TNN: variants seen among roughly 807,000 people sequenced by gnomAD.
TNN encodes the protein tenascin-N.
Under a neutral mutation model 134.4 loss-of-function variants are expected in TNN, and 122 were observed. The observed-to-expected ratio is 0.91, with a 90% CI of 0.78 to 1.06. The LOEUF (loss-of-function observed/expected upper bound fraction) is 1.06, where lower values mean the gene tolerates loss of function less well. Ranked by LOEUF, TNN falls within the 50% of genes least tolerant of loss-of-function variation. The pLI is 0.00. For missense variants in TNN, 1,739 were observed against 1,699.4 expected (o/e 1.02, Z -0.41); for synonymous variants, 710 against 670.3 (o/e 1.06, Z -0.91).
At chr1:175,092,251 G>C (rs1674468802) in intron 6 of TNN, among the ~76,000 whole-genome samples, 1 of 152,180 alleles carries the variant, frequency 6.6e-6, no homozygotes, top group African/African-American at 2.4e-5. Flanking sequence ...GATGGGGAGA[G>C]AGTTCTCTCT....
chr1:175,116,382 A>T (rs1675166689), intron 9 of TNN, among the ~76,000 whole-genome samples: 2 of 152,220 alleles, frequency 1.3e-5, no homozygotes, highest in Non-Finnish European at 2.9e-5. Context: ...CTTGGTTTAC[A>T]GAGCTACTCA....
Position 175,144,479 on chromosome 1 carries a change from G to A in TNN, c.3688G>A (p.Gly1230Ser). 6.2e-7 allele frequency: 1 copy of A among 1,614,212 alleles called. No homozygotes were observed. Among genetic ancestry groups the A allele is most frequent in the Non-Finnish European group, 8.5e-7 (1 of 1,180,026 alleles). The change falls in exon 18 of 19, where the codon GGT (glycine) becomes AGT (serine). Residue 1230 changes from glycine to serine, a missense_variant. Coordinates refer to ENST00000239462, the MANE Select transcript of TNN (RefSeq NM_022093.2). ...CAGCAACTGTGCCCTGACACATCAT[G>A]GTGGCTGGTGGTATAAGAACTGCCA... ...ALSNCALTHHGGWWYKNCHLA... is the reference protein window; with the variant it reads ...ALSNCALTHHSGWWYKNCHLA...
chr1:175,080,062 G>A, intron 3 of TNN, 101 bp from the exon 4 acceptor site: 3 of 1,504,384 alleles, frequency 2.0e-6, no homozygotes, highest in Admixed American at 1.8e-5. Flanking sequence ...ACACAGGTCT[G>A]CATCCTGCAC....
chr1:175,084,571 A>T (rs935157658), intron 5 of TNN, among the ~76,000 whole-genome samples: 2 of 152,228 alleles, frequency 1.3e-5, no homozygotes, highest in Non-Finnish European at 2.9e-5. Flanking sequence ...ATACCCAATC[A>T]GGTACAAGGC....
intron 11 of TNN, among the ~76,000 whole-genome samples, chr1:175,123,030 A>G (rs1017872334): frequency 6.6e-5 from 10 of 152,214 alleles, no homozygotes; most frequent in African/African-American, 2.2e-4. Flanking sequence ...GTTGGAGGAT[A>G]TGACTTCTTG....
At chr1:175,127,890 T>C in intron 13 of TNN, 142 bp from the exon 14 acceptor site, 8 of 931,488 alleles carry the variant, frequency 8.6e-6, no homozygotes, top group Non-Finnish European at 1.3e-5. Flanking sequence ...GATTCTGGGC[T>C]GCCACTGAGG....
chr1:175,118,504 GTTT>G, intron 10 of TNN, 54 bp from the exon 11 acceptor site: 1 of 1,597,862 alleles, frequency 6.3e-7, no homozygotes, highest in Non-Finnish European at 8.5e-7. Flanking sequence ...ATGACCACCA[GTTT>G]CTGCACTCTG....
intron 15 of TNN, among the ~76,000 whole-genome samples, chr1:175,132,842 T>C (rs1675709015): frequency 6.6e-6 from 1 of 152,248 alleles, no homozygotes; most frequent in African/African-American, 2.4e-5. Context: ...GAGTTAAATA[T>C]GCACTCCCAT....
At chr1:175,104,793 A>G (rs1674809103) in intron 9 of TNN, among the ~76,000 whole-genome samples, 2 of 145,890 alleles carry the variant, frequency 1.4e-5, no homozygotes. Context: ...CCCTCGAGTG[A>G]TTCGGGTGAC....
chr1:175,145,555 A>AAAAAAAAAAAAAAC (rs1676043616), intron 18 of TNN, among the ~76,000 whole-genome samples: 3 of 144,224 alleles, frequency 2.1e-5, no homozygotes, highest in African/African-American at 7.7e-5. Context: ...CCTGTCTCAA[A>AAAAAAAAAAAAAAC]AAAAAAAAAA....
rs190641008 is a variant in TNN, at chr1:175,108,194, G to C, written c.2120-8745G>C. ...ACAAACCTTGAGCTAAACACAGGGT[G>C]CTGGTTGGGGTATTTACAATCCCTG... On this transcript the variant is annotated intron_variant, in intron 9 of 18. Transcript: ENST00000239462. Among the ~76,000 whole-genome samples the C allele has an allele frequency of 5.4e-3, 823 of 151,974 alleles. 4 individuals are homozygous for C. Among genetic ancestry groups the C allele is most frequent in the Non-Finnish European group, 7.5e-3 (513 of 67,984 alleles).
At chr1:175,125,495 G>C (rs1675482820) in intron 12 of TNN, among the ~76,000 whole-genome samples, 1 of 152,042 alleles carries the variant, frequency 6.6e-6, no homozygotes, top group Non-Finnish European at 1.5e-5. Flanking sequence ...GTACATAGAA[G>C]AAGAGCTCTG....
At chr1:175,076,020 A>G (rs770193304) in intron 1 of TNN, among the ~76,000 whole-genome samples, 14 of 152,180 alleles carry the variant, frequency 9.2e-5, no homozygotes, top group Non-Finnish European at 1.8e-4. Context: ...CACTTTCTAG[A>G]TAACTGCTGC....
intron 1 of TNN, among the ~76,000 whole-genome samples, chr1:175,076,766 G>C (rs6425316): frequency 0.29 from 43,540 of 152,036 alleles, 6,306 homozygotes; most frequent in South Asian, 0.33. Flanking sequence ...TTGTGGGGAT[G>C]AGCATGGACT....
intron 6 of TNN, among the ~76,000 whole-genome samples, chr1:175,090,749 AATTAG>A (rs139587546): frequency 0.011 from 1,606 of 152,310 alleles, 27 homozygotes; most frequent in African/African-American, 0.037. Flanking sequence ...AGGTTTTGCA[AATTAG>A]ATCTCTTTGA....
rs764490910 is a variant in TNN, at chr1:175,079,611, G to C, written c.688G>C (p.Glu230Gln). The C allele has an allele frequency of 5.6e-6, 9 of 1,599,934 alleles. No individual in the cohort carries two copies. The highest frequency in any genetic ancestry group is 1.1e-5 in the South Asian group (1 of 89,048). ...HEDFMSEDCS[E>Q]KRCPGDCSGH... ...AGACTTCATGTCGGAGGACTGCAGC[G>C]AGAAGCGCTGTCCCGGCGACTGCAG... The change falls in exon 3 of 19, where the codon GAG becomes CAG. Residue 230 changes from glutamate to glutamine, a missense_variant. Coordinates refer to ENST00000239462, the MANE Select transcript of TNN (RefSeq NM_022093.2).
intron 9 of TNN, among the ~76,000 whole-genome samples, chr1:175,112,693 C>CTGCAACCT (rs1675065258): frequency 7.3e-6 from 1 of 136,170 alleles, no homozygotes; most frequent in African/African-American, 2.7e-5. Context: ...TCTCGGCTCA[C>CTGCAACCT]TGCAACCTCT....
intron 17 of TNN, 55 bp downstream of exon 17, chr1:175,137,043 A>T (rs967645838): frequency 1.3e-6 from 2 of 1,583,896 alleles, no homozygotes; most frequent in East Asian, 4.5e-5. Flanking sequence ...TTGTGTAAGG[A>T]TTGGTTTGCC....
chr1:175,137,439 A>G (rs1339984002), intron 17 of TNN, among the ~76,000 whole-genome samples: 1 of 151,730 alleles, frequency 6.6e-6, no homozygotes, highest in Non-Finnish European at 1.5e-5. Context: ...CAGAATAAGG[A>G]AAGTGCTGAT....
Sources: gnomAD v4.1 joint callset for allele counts (sites outside exome capture counted in the v4.1 genomes callset) on GRCh38, gnomAD v4.1.1 for gene constraint, MANE v1.5 for transcripts, NCBI Gene and HGNC (gene_info 2026-07-23, HGNC 2026-07-21) for gene names.